KIAA1671: variants seen among roughly 807,000 people sequenced by gnomAD.
The protein encoded by KIAA1671 is uncharacterized protein KIAA1671.
A neutral mutation model predicts 131.2 loss-of-function variants in KIAA1671; 52 were observed. The observed-to-expected ratio is 0.40, with a 90% confidence interval of 0.32 to 0.50. KIAA1671 has a LOEUF of 0.50. Ranked by LOEUF, KIAA1671 falls within the 20% of genes least tolerant of loss-of-function variation. The pLI is 0.73. For missense variants in KIAA1671, 2,360 were observed against 2,364.2 expected (o/e 1.00, Z 0.04); for synonymous variants, 1,003 against 961.6 (o/e 1.04, Z -0.80).
At chr22:25,169,418 C>CAAAAA (rs34299474) in intron 6 of KIAA1671, among the ~76,000 whole-genome samples, 10 of 118,060 alleles carry the variant, frequency 8.5e-5, no homozygotes, top group Admixed American at 2.6e-4. Context: ...GACCTTGTCT[C>CAAAAA]AAAAAAAAAA....
chr22:25,082,242 T>G (rs963058309), intron 6 of KIAA1671, among the ~76,000 whole-genome samples: 1 of 152,162 alleles, frequency 6.6e-6, no homozygotes, highest in African/African-American at 2.4e-5. Context: ...TTTGTTGAAA[T>G]GCATTAACTT....
At chr22:25,136,840 A>G (rs1932698811) in intron 6 of KIAA1671, among the ~76,000 whole-genome samples, 1 of 152,194 alleles carries the variant, frequency 6.6e-6, no homozygotes. Context: ...AAAACCAAAG[A>G]GAAACTTTTC....
intron 6 of KIAA1671, among the ~76,000 whole-genome samples, chr22:25,086,551 C>T (rs886615646): frequency 1.3e-5 from 2 of 152,212 alleles, no homozygotes; most frequent in Non-Finnish European, 2.9e-5. Flanking sequence ...ATGCTTCCTG[C>T]ACTGCCCTGA....
rs993559038 is a variant in KIAA1671 at position 25,193,341 on chromosome 22, G to T, written c.*940G>T. 6.6e-6 allele frequency: 1 copy of T among 152,208 alleles called. No homozygotes were observed. The highest frequency in any genetic ancestry group is 2.4e-5 in the African/African-American group (1 of 41,440). 9.4% of individuals were successfully genotyped at this position (152,208 alleles called of 1,614,324 possible). ...TAAGGGTTCATAAACTGCAGCCCAA[G>T]TGGTGGTGCCTTTGCTTATGAATCA... On this transcript the variant is annotated 3_prime_UTR_variant, in exon 13 of 13. Transcript: ENST00000358431.
chr22:25,020,269 G>C (rs1163277225), intron 1 of KIAA1671, among the ~76,000 whole-genome samples: 1 of 152,122 alleles, frequency 6.6e-6, no homozygotes, highest in Non-Finnish European at 1.5e-5. Context: ...AGCACAAGTT[G>C]TTGAGAAGAT....
At chr22:24,989,669 G>A (rs1923735211) in intron 1 of KIAA1671, among the ~76,000 whole-genome samples, 1 of 152,148 alleles carries the variant, frequency 6.6e-6, no homozygotes, top group African/African-American at 2.4e-5. Context: ...GAAAGGGAGA[G>A]TCCCTGGGTG....
intron 6 of KIAA1671, among the ~76,000 whole-genome samples, chr22:25,109,114 CTT>C (rs869242613): frequency 6.3e-5 from 9 of 143,200 alleles, no homozygotes; most frequent in Non-Finnish European, 6.2e-5. Flanking sequence ...ACTATCACTT[CTT>C]TTTTTTTTTT....
At chr22:25,010,905 A>G (rs1924999546) in intron 1 of KIAA1671, 1 of 152,222 alleles carries the variant, frequency 6.6e-6, no homozygotes, top group East Asian at 1.9e-4. Context: ...CTTGGTCCCA[A>G]TACGGTTGCC....
At chr22:25,021,466 CT>C (rs75152681) in intron 1 of KIAA1671, among the ~76,000 whole-genome samples, 25,657 of 133,432 alleles carry the variant, frequency 0.19, 1,847 homozygotes, top group South Asian at 0.37. Context: ...TTGTCCTTAC[CT>C]TTTTTTTTTT....
intron 2 of KIAA1671, among the ~76,000 whole-genome samples, chr22:25,027,176 T>C (rs1925993143): frequency 6.9e-6 from 1 of 145,272 alleles, no homozygotes; most frequent in East Asian, 2.0e-4. Flanking sequence ...AGCAAACAAA[T>C]AATGAAAGCA....
At chr22:25,044,528 T>G (rs1288903164) in intron 5 of KIAA1671, among the ~76,000 whole-genome samples, 2 of 152,080 alleles carry the variant, frequency 1.3e-5, no homozygotes, top group Non-Finnish European at 2.9e-5. Context: ...GCCCCAGCAG[T>G]GCTGGTTGTC....
chr22:25,055,795 TA>T (rs1602103037), intron 6 of KIAA1671: 1 of 128,832 alleles, frequency 7.8e-6, no homozygotes, highest in East Asian at 2.1e-4. Context: ...TATAGATAGA[TA>T]TAGATAGATA....
intron 1 of KIAA1671, among the ~76,000 whole-genome samples, chr22:24,995,674 G>T (rs1924096059): frequency 6.6e-6 from 1 of 152,176 alleles, no homozygotes; most frequent in Admixed American, 6.5e-5. Context: ...CTCTTTCAAT[G>T]ATTAATAATA....
intron 1 of KIAA1671, chr22:25,023,857 A>G (rs1356591443): frequency 2.6e-5 from 4 of 151,912 alleles, no homozygotes; most frequent in African/African-American, 9.7e-5. Context: ...AGGCGGGAGA[A>G]TTGCTCGAAC....
chr22:25,085,287 G>A (rs1279848151), intron 6 of KIAA1671, among the ~76,000 whole-genome samples: 1 of 152,234 alleles, frequency 6.6e-6, no homozygotes, highest in Non-Finnish European at 1.5e-5. Flanking sequence ...GAGGGCAGAG[G>A]AGCCAAGGGG....
chr22:25,109,198 C>A (rs1003080310), intron 6 of KIAA1671, among the ~76,000 whole-genome samples: 1 of 151,966 alleles, frequency 6.6e-6, no homozygotes, highest in African/African-American at 2.4e-5. Context: ...CAACCTCTGC[C>A]TCTCGGGTTC....
At chr22:24,996,645 G>A (rs1924154782) in intron 1 of KIAA1671, among the ~76,000 whole-genome samples, 1 of 152,148 alleles carries the variant, frequency 6.6e-6, no homozygotes, top group Admixed American at 6.6e-5. Flanking sequence ...GCCTCAGTCT[G>A]ATCCCCTGGG....
chr22:25,006,782 C>G (rs1469212020), intron 1 of KIAA1671, among the ~76,000 whole-genome samples: 1 of 152,184 alleles, frequency 6.6e-6, no homozygotes, highest in Admixed American at 6.5e-5. Context: ...CCACATCACT[C>G]TGTTTCTGTC....
At chr22:25,185,762 A>T (rs1207320741) in intron 11 of KIAA1671, 1 of 152,266 alleles carries the variant, frequency 6.6e-6, no homozygotes, top group Non-Finnish European at 1.5e-5. Context: ...GGGAAAAGGT[A>T]CTTGACCTCC....
Sources: gnomAD v4.1 joint callset for allele counts (sites outside exome capture counted in the v4.1 genomes callset) on GRCh38, gnomAD v4.1.1 for gene constraint, MANE v1.5 for transcripts, NCBI Gene and HGNC (gene_info 2026-07-23, HGNC 2026-07-21) for gene names.